The following SLC9A8 variants were observed in gnomAD, a reference collection of about 807,000 sequenced individuals.
SLC9A8 encodes the protein solute carrier family 9 member A8.
A neutral mutation model predicts 66.6 loss-of-function variants in SLC9A8; 48 were observed. The ratio of observed to expected loss-of-function variants is 0.72; its 90% CI spans 0.57 to 0.92. SLC9A8 has a LOEUF of 0.92. Ranked by LOEUF, SLC9A8 falls within the 40% of genes least tolerant of loss-of-function variation. The pLI, the probability that SLC9A8 is intolerant of heterozygous loss-of-function variation, is 0.00. For missense variants in SLC9A8, 599 were observed against 747.3 expected (o/e 0.80, Z 2.31); for synonymous variants, 274 against 282.6 (o/e 0.97, Z 0.31).
At chr20:49,843,350 CT>C (rs1463641702) in intron 4 of SLC9A8, among the ~76,000 whole-genome samples, 1 of 152,130 alleles carries the variant, frequency 6.6e-6, no homozygotes, top group African/African-American at 2.4e-5. Context: ...GTTGTACATG[CT>C]GCTATTTTAA....
At chr20:49,883,188 T>C (rs1401619923) in intron 13 of SLC9A8, among the ~76,000 whole-genome samples, 1 of 152,062 alleles carries the variant, frequency 6.6e-6, no homozygotes, top group Non-Finnish European at 1.5e-5. Context: ...GTTTTCCAGC[T>C]CAGTCCATGC....
chr20:49,831,556 G>A (rs2087197119), intron 3 of SLC9A8, among the ~76,000 whole-genome samples: 1 of 152,128 alleles, frequency 6.6e-6, no homozygotes, highest in South Asian at 2.1e-4. Context: ...AGCAATGAGA[G>A]TTGGAAGCCT....
rs577130825 is a variant in SLC9A8 at position 49,817,850 on chromosome 20, CTTTTG to C, written c.208+2666_208+2670del. On this transcript the variant is annotated intron_variant, in intron 2 of 15. Transcript: ENST00000361573. ...GATTACTTCAACAATGAAGGACTCT[CTTTTG>C]TTTTATTTTCTTTTTCTTTTGTGAT... Among the ~76,000 whole-genome samples the C allele has an allele frequency of 1.2e-3, 186 of 152,234 alleles. 1 individual carries two copies. The highest frequency in any genetic ancestry group is 3.0e-3 in the Admixed American group (46 of 15,284).
intron 13 of SLC9A8, among the ~76,000 whole-genome samples, chr20:49,882,217 G>A (rs781408766): frequency 2.4e-4 from 37 of 152,196 alleles, no homozygotes; most frequent in Non-Finnish European, 4.6e-4. Flanking sequence ...AGACCCTTGC[G>A]AGTGAGCCGT....
At chr20:49,870,168 A>G (rs1019269870) in intron 10 of SLC9A8, among the ~76,000 whole-genome samples, 18 of 152,234 alleles carry the variant, frequency 1.2e-4, no homozygotes, top group African/African-American at 3.6e-4. Flanking sequence ...TGTCCACCCT[A>G]TGCTGAGAAC....
chr20:49,883,221 G>A (rs1039022775), intron 13 of SLC9A8, among the ~76,000 whole-genome samples: 6 of 152,022 alleles, frequency 3.9e-5, no homozygotes, highest in Non-Finnish European at 7.4e-5. Context: ...CCCTAGTAGC[G>A]TCACAGAGGA....
Position 49,832,549 on chromosome 20 carries a change from G to A in SLC9A8, c.290-6992G>A, listed in dbSNP as rs534476707. Reference sequence around the variant, plus strand: ...AATTTGCAGAAGACCAGCACTTATGGTGGAATGTATATTATAAGGCAGCCA... The same window carrying A: ...AATTTGCAGAAGACCAGCACTTATGATGGAATGTATATTATAAGGCAGCCA... On this transcript the variant is annotated intron_variant, in intron 3 of 15. Coordinates refer to ENST00000361573, the MANE Select transcript of SLC9A8 (RefSeq NM_015266.3). Among the ~76,000 whole-genome samples, 15 of 152,292 alleles carry A rather than the reference G, an allele frequency of 9.8e-5. No homozygotes were observed. In the South Asian group the frequency reaches 3.1e-3, roughly 32 times the overall value.
At chr20:49,814,838 G>C (rs2086486090) in intron 1 of SLC9A8, among the ~76,000 whole-genome samples, 170 bp from the exon 2 acceptor site, 1 of 152,076 alleles carries the variant, frequency 6.6e-6, no homozygotes, top group African/African-American at 2.4e-5. Context: ...TGGTACCCTT[G>C]TGCTGTGCAG....
intron 3 of SLC9A8, chr20:49,829,034 T>C (rs971984731): frequency 2.7e-5 from 4 of 146,286 alleles, no homozygotes; most frequent in Non-Finnish European, 6.0e-5. Flanking sequence ...AGAGAGAACT[T>C]GTGCTGGGAT....
chr20:49,883,305 C>T (rs1238761772), intron 13 of SLC9A8, among the ~76,000 whole-genome samples: 1 of 152,178 alleles, frequency 6.6e-6, no homozygotes, highest in Non-Finnish European at 1.5e-5. Context: ...ACAGGGACAG[C>T]ATCTCGAGAT....
chr20:49,829,472 G>A (rs1420242319), intron 3 of SLC9A8: 2 of 209,858 alleles, frequency 9.5e-6, no homozygotes, highest in Admixed American at 5.9e-5. Context: ...GCAGTGAGCC[G>A]AGATCGCACC....
chr20:49,880,428 G>T (rs2089584108), intron 12 of SLC9A8, among the ~76,000 whole-genome samples: 1 of 152,162 alleles, frequency 6.6e-6, no homozygotes, highest in East Asian at 1.9e-4. Flanking sequence ...CTCTTGCTCA[G>T]AGAGCAGTGT....
At chr20:49,851,770 A>G (rs1437559788) in intron 7 of SLC9A8, among the ~76,000 whole-genome samples, 2 of 152,326 alleles carry the variant, frequency 1.3e-5, no homozygotes, top group African/African-American at 2.4e-5. Flanking sequence ...TGATACATAA[A>G]CAAGTAGTCC....
chr20:49,887,756 C>T, intron 15 of SLC9A8, 73 bp from the exon 16 acceptor site: 2 of 1,206,814 alleles, frequency 1.7e-6, no homozygotes, highest in Non-Finnish European at 2.4e-6. Flanking sequence ...ACACAAAACA[C>T]CCAGTAGCAT....
intron 10 of SLC9A8, among the ~76,000 whole-genome samples, chr20:49,870,210 A>G (rs1020122498): frequency 2.6e-5 from 4 of 152,256 alleles, no homozygotes; most frequent in Admixed American, 6.5e-5. Flanking sequence ...ATTTATAAAC[A>G]ACACAAGATC....
chr20:49,849,484 T>C, intron 5 of SLC9A8, 95 bp from the exon 6 acceptor site: 1 of 930,944 alleles, frequency 1.1e-6, no homozygotes, highest in Admixed American at 2.0e-5. Context: ...TTACAGAGAA[T>C]CAAGTCTGCA....
chr20:49,874,097 A>G (rs893658665), intron 10 of SLC9A8, among the ~76,000 whole-genome samples: 13 of 152,158 alleles, frequency 8.5e-5, no homozygotes, highest in Non-Finnish European at 1.9e-4. Flanking sequence ...TAAAAATACA[A>G]AAAATTAGCC....
chr20:49,862,631 T>C (rs1162205847), intron 8 of SLC9A8, among the ~76,000 whole-genome samples: 4 of 152,160 alleles, frequency 2.6e-5, no homozygotes, highest in Admixed American at 6.5e-5. Context: ...CCACCCTGCT[T>C]TTCTACAGCC....
intron 2 of SLC9A8, among the ~76,000 whole-genome samples, chr20:49,819,514 T>A (rs1421160659): frequency 1.3e-5 from 2 of 152,232 alleles, no homozygotes; most frequent in African/African-American, 4.8e-5. Context: ...ATTGGTGTTT[T>A]TTCTGTCTAC....
Sources: allele counts gnomAD v4.1 joint callset (sites outside exome capture counted in the v4.1 genomes callset), GRCh38; gene constraint gnomAD v4.1.1; transcripts MANE v1.5; gene names NCBI Gene and HGNC (gene_info 2026-07-23, HGNC 2026-07-21).